The following ASTN2 variants were observed in gnomAD, a reference collection of about 807,000 sequenced individuals.
ASTN2 encodes astrotactin 2.
ASTN2 carries 54 observed loss-of-function variants against 139.8 expected under a neutral mutation model. The observed-to-expected ratio is 0.39, with a 90% CI of 0.31 to 0.48. The LOEUF is 0.48. ASTN2 is among the 20% of genes least tolerant of loss of function. The pLI, the probability that ASTN2 is intolerant of heterozygous loss-of-function variation, is 0.95. For synonymous variants in ASTN2, 756 were observed against 719.5 expected (o/e 1.05, Z -0.81); for missense variants, 1,565 against 1,725.1 (o/e 0.91, Z 1.64).
In ASTN2 at chr9:116,687,077, G is replaced by A. The variant is rs1285858614; in HGVS notation, c.2807-35284C>T. 5.7e-6 allele frequency: 7 copies of A among 1,233,494 alleles called. 1 individual carries two copies. In the South Asian group the frequency reaches 1.4e-4, roughly 24 times the overall value. 76.4% of individuals were successfully genotyped at this position (1,233,494 alleles called of 1,614,324 possible). A position where few individuals can be genotyped will look rare whatever the true frequency, so the allele number is the denominator to read the frequency against. On this transcript the variant is annotated intron_variant, in intron 16 of 22. Transcript: ENST00000313400. ...ATCTCCTGACTTACTGAGTGAACTT[G>A]AGCAGGTCCCTTTCGCCCATGGGCG...
chr9:116,857,160 G>C (rs903208243), intron 11 of ASTN2, among the ~76,000 whole-genome samples: 1 of 152,192 alleles, frequency 6.6e-6, no homozygotes. Context: ...ACCGTGCTTG[G>C]AACAGTCTTT....
At chr9:117,280,122 A>G (rs529374645) in intron 2 of ASTN2, among the ~76,000 whole-genome samples, 65 of 152,148 alleles carry the variant, frequency 4.3e-4, no homozygotes, top group African/African-American at 1.5e-3. Context: ...TTGCTTGTGA[A>G]TTATTTTGTA....
chr9:116,670,242 C>T (rs892466459), intron 16 of ASTN2, among the ~76,000 whole-genome samples: 1 of 152,210 alleles, frequency 6.6e-6, no homozygotes, highest in Admixed American at 6.5e-5. Context: ...TATTGTCAAA[C>T]TATGTAAGTA....
At chr9:117,369,582 CT>C (rs1829936966) in intron 1 of ASTN2, among the ~76,000 whole-genome samples, 1 of 152,118 alleles carries the variant, frequency 6.6e-6, no homozygotes, top group Non-Finnish European at 1.5e-5. Flanking sequence ...TTAAAGTCAT[CT>C]GTCTACTATC....
At chr9:117,322,233 C>T (rs569512123) in intron 1 of ASTN2, among the ~76,000 whole-genome samples, 9 of 152,292 alleles carry the variant, frequency 5.9e-5, no homozygotes, top group African/African-American at 1.4e-4. Flanking sequence ...ATGGTTATCC[C>T]TCTGCACTCT....
At chr9:117,247,994 C>T (rs532605340) in intron 2 of ASTN2, among the ~76,000 whole-genome samples, 26 of 152,280 alleles carry the variant, frequency 1.7e-4, no homozygotes, top group African/African-American at 6.0e-4. Context: ...TTATTCTTAG[C>T]CTCCAACAGA....
chr9:117,228,885 C>A (rs565253419), intron 2 of ASTN2, among the ~76,000 whole-genome samples: 1 of 151,944 alleles, frequency 6.6e-6, no homozygotes, highest in Non-Finnish European at 1.5e-5. Flanking sequence ...CATGGTGGCA[C>A]GTGCCTATAT....
chr9:116,869,156 GC>G, intron 10 of ASTN2, among the ~76,000 whole-genome samples: 1 of 152,200 alleles, frequency 6.6e-6, no homozygotes, highest in South Asian at 2.1e-4. Flanking sequence ...TTGCACTCCA[GC>G]CTGGGCAACA....
chr9:116,897,278 T>A (rs1374972105), intron 10 of ASTN2, among the ~76,000 whole-genome samples: 1 of 152,184 alleles, frequency 6.6e-6, no homozygotes, highest in Non-Finnish European at 1.5e-5. Context: ...GTGACGATTG[T>A]CAAGTCAATC....
intron 2 of ASTN2, among the ~76,000 whole-genome samples, chr9:117,237,910 T>A (rs1259737177): frequency 6.6e-6 from 1 of 152,176 alleles, no homozygotes; most frequent in Non-Finnish European, 1.5e-5. Flanking sequence ...GGGTGCTTCC[T>A]CCCTCCTACT....
chr9:116,983,950 T>C (rs948810314), intron 7 of ASTN2, among the ~76,000 whole-genome samples: 1 of 152,098 alleles, frequency 6.6e-6, no homozygotes, highest in Non-Finnish European at 1.5e-5. Context: ...AAAAGATGCT[T>C]ACTTATAGTT....
intron 6 of ASTN2, among the ~76,000 whole-genome samples, chr9:117,011,230 C>T (rs962799702): frequency 6.6e-6 from 1 of 152,162 alleles, no homozygotes; most frequent in South Asian, 2.1e-4. Flanking sequence ...AAAGCAGGTA[C>T]AATAAATGGA....
chr9:116,980,092 C>T (rs1412995367), intron 7 of ASTN2, among the ~76,000 whole-genome samples: 1 of 152,124 alleles, frequency 6.6e-6, no homozygotes, highest in Non-Finnish European at 1.5e-5. Context: ...GAGGGAAAAG[C>T]CCCCGAGTGC....
chr9:116,716,847 C>T (rs1312974662), intron 16 of ASTN2, among the ~76,000 whole-genome samples: 14 of 152,190 alleles, frequency 9.2e-5, no homozygotes, highest in Admixed American at 9.2e-4. Flanking sequence ...CCTGCTCAAG[C>T]TGAAGGTCTA....
chr9:116,855,319 G>GCTCCTGATTGGGGAGCTA, intron 11 of ASTN2, among the ~76,000 whole-genome samples: 1 of 151,404 alleles, frequency 6.6e-6, no homozygotes, highest in East Asian at 2.0e-4. Context: ...AGATGCAAAT[G>GCTCCTGATTGGGGAGCTA]CTCCTGATTG....
At chr9:117,362,723 T>G (rs2130898221) in intron 1 of ASTN2, among the ~76,000 whole-genome samples, 1 of 152,278 alleles carries the variant, frequency 6.6e-6, no homozygotes, top group South Asian at 2.1e-4. Flanking sequence ...ACCACCACTG[T>G]GCCCCATATC....
chr9:116,878,190 C>T (rs1267334861), intron 10 of ASTN2, among the ~76,000 whole-genome samples: 1 of 152,044 alleles, frequency 6.6e-6, no homozygotes, highest in Non-Finnish European at 1.5e-5. Context: ...ATCATTTGAC[C>T]CCCTGTTACT....
intron 20 of ASTN2, among the ~76,000 whole-genome samples, chr9:116,472,128 T>C (rs1397996891): frequency 6.6e-6 from 1 of 152,132 alleles, no homozygotes; most frequent in Non-Finnish European, 1.5e-5. Context: ...ATAACCCAAC[T>C]GTGGCCTTAT....
chr9:117,291,272 C>T lies in ASTN2; in HGVS notation c.630+54G>A. On this transcript the variant is annotated intron_variant, in intron 2 of 22. Coordinates refer to ENST00000313400, the MANE Select transcript of ASTN2 (RefSeq NM_001365068.1). ...ATCCCCCGCCCCCTCCATCTCTCCA[C>T]CCATTCCTCCCCCACGCAATCCCCG... The T allele has an allele frequency of 1.9e-6, 3 of 1,594,542 alleles. No homozygotes were observed. The Admixed American group carries it at 5.1e-5, about 27-fold the overall frequency.
Sources: allele counts gnomAD v4.1 joint callset (sites outside exome capture counted in the v4.1 genomes callset), GRCh38; gene constraint gnomAD v4.1.1; transcripts MANE v1.5; gene names NCBI Gene and HGNC (gene_info 2026-07-23, HGNC 2026-07-21).